The following PER2 variants were observed in gnomAD, a reference collection of about 807,000 sequenced individuals.
The protein encoded by PER2 is period circadian regulator 2, also known as period circadian protein homolog 2.
Under a neutral mutation model 121.0 loss-of-function variants are expected in PER2, and 66 were observed. That is an observed-to-expected ratio of 0.55 (90% CI 0.45 to 0.67). PER2 has a LOEUF of 0.67. Among genes scored for constraint, PER2 ranks in the 30% least tolerant of loss-of-function variants. PER2 has a pLI of 0.00. For missense variants in PER2, 1,521 were observed against 1,635.0 expected, an observed-to-expected ratio of 0.93 and a Z score of 1.20; for synonymous variants, 684 against 659.9, an observed-to-expected ratio of 1.04 and a Z score of -0.56.
intron 21 of PER2, among the ~76,000 whole-genome samples, chr2:238,250,212 G>A (rs558510259): frequency 6.6e-6 from 1 of 152,336 alleles, no homozygotes; most frequent in East Asian, 1.9e-4. Flanking sequence ...TACCTCACAG[G>A]GTTACTGGGC....
upstream of PER2, among the ~76,000 whole-genome samples, chr2:238,294,748 A>G (rs1171795296): frequency 6.6e-6 from 1 of 152,198 alleles, no homozygotes; most frequent in Non-Finnish European, 1.5e-5. Context: ...CCCTGCCCCT[A>G]TGAAGCCTGA....
chr2:238,244,879 C>T lies in PER2; in HGVS notation c.*1496G>A, dbSNP rs988266337. On this transcript the variant is annotated 3_prime_UTR_variant, in exon 23 of 23. Coordinates refer to ENST00000254657, the MANE Select transcript of PER2 (RefSeq NM_022817.3). Reference sequence around the variant, plus strand: ...TGGCCAACATGGTGAAACCCTGTCTCTACTAAAAATACAAAAAATTAGCTG... The same window carrying T: ...TGGCCAACATGGTGAAACCCTGTCTTTACTAAAAATACAAAAAATTAGCTG... The T allele has an allele frequency of 6.6e-6, 1 of 151,806 alleles. No individual in the cohort carries two copies. The highest frequency in any genetic ancestry group is 1.5e-5 in the Non-Finnish European group (1 of 67,974). The allele number at this position is 151,806 out of a possible 1,614,324, so 9.4% of individuals were successfully genotyped here.
Position 238,269,716 on chromosome 2 carries a change from T to G in PER2, c.773-742A>C, listed in dbSNP as rs184629828. On this transcript the variant is annotated intron_variant, in intron 6 of 22. Coordinates refer to ENST00000254657, the MANE Select transcript of PER2 (RefSeq NM_022817.3). Reference sequence around the variant, plus strand: ...ACTAACCTACAACTGAGCACACTCATGGTGCACTGCTGCAAACACACCAAC... The same window carrying G: ...ACTAACCTACAACTGAGCACACTCAGGGTGCACTGCTGCAAACACACCAAC... Among the ~76,000 whole-genome samples the G allele has an allele frequency of 3.1e-3, 454 of 145,008 alleles. 2 individuals are homozygous for G. The highest frequency in any genetic ancestry group is 0.011 in the African/African-American group (435 of 38,868).
At chr2:238,274,683 C>CA (rs1476572322) in intron 4 of PER2, among the ~76,000 whole-genome samples, 1 of 152,236 alleles carries the variant, frequency 6.6e-6, no homozygotes, top group Non-Finnish European at 1.5e-5. Flanking sequence ...CCTCCACAGG[C>CA]ACGCAGGCCC....
intron 8 of PER2, among the ~76,000 whole-genome samples, chr2:238,266,849 G>A (rs1696128605): frequency 6.6e-6 from 1 of 151,898 alleles, no homozygotes; most frequent in Non-Finnish European, 1.5e-5. Flanking sequence ...ACCAGCCTGG[G>A]CAACACAGTG....
chr2:238,261,038 CAG>C (rs1695912138), intron 12 of PER2, 85 bp from the exon 13 acceptor site: 1 of 1,530,266 alleles, frequency 6.5e-7, no homozygotes, highest in African/African-American at 1.4e-5. Flanking sequence ...CCCTGTTTCG[CAG>C]AGAGGATGGC....
intron 3 of PER2, among the ~76,000 whole-genome samples, chr2:238,276,865 T>C (rs56013859): frequency 0.11 from 16,696 of 152,044 alleles, 1,213 homozygotes; most frequent in Admixed American, 0.17. Context: ...CAGATGAAAA[T>C]GCCCAAGACT....
At chr2:238,281,925 C>G (rs561049314) in intron 1 of PER2, among the ~76,000 whole-genome samples, 1 of 152,298 alleles carries the variant, frequency 6.6e-6, no homozygotes, top group East Asian at 1.9e-4. Flanking sequence ...CTGGGAAGAA[C>G]CATCAACAGG....
chr2:238,262,819 A>T, intron 10 of PER2, 133 bp downstream of exon 10: 1 of 706,496 alleles, frequency 1.4e-6, no homozygotes. Context: ...GGAGGCGGCG[A>T]GGCGGGCGTC....
At position 238,246,347 on chromosome 2, in the gene PER2, T is replaced by TGGCTGCCGGGCTGAGGTGGGG; in HGVS notation, c.*7_*27dup. ...CCAAGCACCACCTGGTGTACCTCGC[T>TGGCTGCCGGGCTGAGGTGGGG]GGCTGCCGGGCTGAGGTGGGGCAGG... On this transcript the variant is annotated 3_prime_UTR_variant, in exon 23 of 23. Coordinates refer to ENST00000254657, the MANE Select transcript of PER2 (RefSeq NM_022817.3). The TGGCTGCCGGGCTGAGGTGGGG allele has an allele frequency of 1.3e-6, 2 of 1,563,870 alleles. No homozygotes were observed. The highest frequency in any genetic ancestry group is 1.7e-6 in the Non-Finnish European group (2 of 1,149,848).
At position 238,245,682 on chromosome 2, in the gene PER2, T is replaced by C. The variant is rs1695428300; in HGVS notation, c.*693A>G. On this transcript the variant is annotated 3_prime_UTR_variant, in exon 23 of 23. Coordinates refer to ENST00000254657, the MANE Select transcript of PER2 (RefSeq NM_022817.3). ...GAGGGTCTGTCTGCGTGTGCATTCA[T>C]CCGATGGAGTTGGCCACACAAACCA... 2.5e-6 allele frequency: 1 copy of C among 398,614 alleles called. No homozygotes were observed. The highest frequency in any genetic ancestry group is 4.4e-6 in the Non-Finnish European group (1 of 226,052). The allele number at this position is 398,614 out of a possible 1,614,324, so 24.7% of individuals were successfully genotyped here. A position where few individuals can be genotyped will look rare whatever the true frequency, so the allele number is the denominator to read the frequency against.
chr2:238,288,464 A>C lies in PER2; in HGVS notation c.-135T>G, dbSNP rs1209421487. The C allele has an allele frequency of 6.6e-5, 10 of 152,268 alleles. No individual in the cohort carries two copies. The highest frequency in any genetic ancestry group is 6.5e-4 in the Admixed American group (10 of 15,288). 9.4% of individuals were successfully genotyped at this position (152,268 alleles called of 1,614,324 possible). ...GCGGCTCGACCACTCTCCACCTGGG[A>C]CAGGGCCAAGGGCACACGCCCCCAC... On this transcript the variant is annotated 5_prime_UTR_variant, in exon 1 of 23. Coordinates refer to ENST00000254657, the MANE Select transcript of PER2 (RefSeq NM_022817.3).
intron 4 of PER2, 103 bp from the exon 5 acceptor site, chr2:238,273,294 A>T: frequency 1.6e-6 from 2 of 1,246,068 alleles, no homozygotes; most frequent in Non-Finnish European, 2.3e-6. Flanking sequence ...TCAAATGAAA[A>T]GGTAGGATAT....
intron 4 of PER2, 78 bp downstream of exon 4, chr2:238,275,665 A>G: frequency 6.7e-7 from 1 of 1,494,034 alleles, no homozygotes; most frequent in South Asian, 1.1e-5. Flanking sequence ...TAGAAAGTCA[A>G]CACAATCCAA....
At chr2:238,269,703 C>T (rs556458147) in intron 6 of PER2, among the ~76,000 whole-genome samples, 3 of 152,326 alleles carry the variant, frequency 2.0e-5, no homozygotes, top group East Asian at 1.9e-4. Flanking sequence ...TAACCTACAA[C>T]TGAGCACACT....
chr2:238,265,526 C>G lies in PER2; in HGVS notation c.1032G>C (p.Gln344His). The G allele has an allele frequency of 6.2e-7, 1 of 1,610,240 alleles. No homozygotes were observed. Among genetic ancestry groups the G allele is most frequent in the Non-Finnish European group, 8.5e-7 (1 of 1,176,474 alleles). ...TTTHTPNCLF[Q>H]DVDERAVPLL... ...AGACCACGTACCTTTCATCCACATCCTGGAACAAACAATTTGGTGTATGGG... is the reference window on the plus strand; with the variant it reads ...AGACCACGTACCTTTCATCCACATCGTGGAACAAACAATTTGGTGTATGGG... Residue 344 changes from glutamine to histidine, a missense_variant, in exon 9 of 23, where the codon CAG (glutamine) becomes CAC (histidine). Physicochemically the swap from Gln to His is conservative, Grantham distance 24 (BLOSUM62 0). Transcript: ENST00000254657.
rs888226461 is a variant in PER2 at position 238,245,129 on chromosome 2, T to C, written c.*1246A>G. 1.9e-5 allele frequency: 3 copies of C among 155,824 alleles called. No homozygotes were observed. Among genetic ancestry groups the C allele is most frequent in the African/African-American group, 7.2e-5 (3 of 41,480 alleles). 9.7% of individuals were successfully genotyped at this position (155,824 alleles called of 1,614,324 possible). ...TGGTCCAATTTTAAGTCAACTGTTCTTCAGTGATAACTTTGAATTTCCACC... is the reference window on the plus strand; with the variant it reads ...TGGTCCAATTTTAAGTCAACTGTTCCTCAGTGATAACTTTGAATTTCCACC... On this transcript the variant is annotated 3_prime_UTR_variant, in exon 23 of 23. Transcript: ENST00000254657.
At chr2:238,277,678 G>A in intron 2 of PER2, 29 bp downstream of exon 2, 1 of 1,613,044 alleles carries the variant, frequency 6.2e-7, no homozygotes, top group Non-Finnish European at 8.5e-7. Flanking sequence ...AACCTGCCCA[G>A]CCTCCATCTG....
intron 1 of PER2, among the ~76,000 whole-genome samples, chr2:238,283,030 G>A (rs530891156): frequency 8.2e-4 from 125 of 151,922 alleles, no homozygotes; most frequent in African/African-American, 2.9e-3. Flanking sequence ...GTGTGGACTC[G>A]GATGACGTGC....
Sources: allele counts gnomAD v4.1 joint callset (sites outside exome capture counted in the v4.1 genomes callset), GRCh38; gene constraint gnomAD v4.1.1; transcripts MANE v1.5; gene names NCBI Gene and HGNC (gene_info 2026-07-23, HGNC 2026-07-21).